ADAM20: variants seen among roughly 807,000 people sequenced by gnomAD.
ADAM20 encodes ADAM metallopeptidase domain 20, also known as disintegrin and metalloproteinase domain-containing protein 20.
For missense variants in ADAM20, 871 were observed against 883.2 expected (o/e 0.99, Z 0.18); for synonymous variants, 305 against 310.2 (o/e 0.98, Z 0.18).
the ADAM20 span, among the ~76,000 whole-genome samples, chr14:70,546,333 T>C: frequency 6.6e-6 from 1 of 152,168 alleles, no homozygotes; most frequent in Admixed American, 6.5e-5. Context: ...TGTCATGAAG[T>C]CCTGATGACA....
chr14:70,573,176 A>G, the ADAM20 span, among the ~76,000 whole-genome samples: 1 of 152,356 alleles, frequency 6.6e-6, no homozygotes, highest in Non-Finnish European at 1.5e-5. Context: ...AAATCATGCA[A>G]TCAGCCTAAG....
the ADAM20 span, among the ~76,000 whole-genome samples, chr14:70,571,296 G>T: frequency 6.6e-6 from 1 of 152,150 alleles, no homozygotes; most frequent in Non-Finnish European, 1.5e-5. Context: ...GACCCGGTAG[G>T]AGGTAATTGA....
chr14:70,576,557 T>C, the ADAM20 span, among the ~76,000 whole-genome samples: 2 of 152,300 alleles, frequency 1.3e-5, no homozygotes, highest in African/African-American at 2.4e-5. Flanking sequence ...AACTCATTCA[T>C]TCATTCATGT....
In ADAM20 at chr14:70,528,043, T is replaced by G. The variant is rs545035813; in HGVS notation, c.-176-3110A>C. ...GCATCATATCCTGTGTTTGAAATAT[T>G]TATGTATATGGTCTGCTTTTTTATG... is the stretch of plus-strand genomic sequence containing the variant. On this transcript the variant is annotated intron_variant, in intron 1 of 1. Coordinates refer to ENST00000256389, the MANE Select transcript of ADAM20 (RefSeq NM_003814.5). 4.4e-4 allele frequency among the ~76,000 whole-genome samples: 67 copies of G among 152,346 alleles called. No individual in the cohort carries two copies. In the South Asian group the frequency reaches 0.013, roughly 31 times the overall value.
the ADAM20 span, among the ~76,000 whole-genome samples, chr14:70,560,081 AT>A: frequency 1.3e-5 from 2 of 152,342 alleles, no homozygotes; most frequent in Non-Finnish European, 2.9e-5. Flanking sequence ...CTCAATACTC[AT>A]CCAATATAAA....
At chr14:70,568,268 A>G in the ADAM20 span, among the ~76,000 whole-genome samples, 4 of 152,156 alleles carry the variant, frequency 2.6e-5, no homozygotes, top group African/African-American at 9.7e-5. Context: ...TCCACAACCA[A>G]CGTACCCATA....
chr14:70,577,458 C>T, the ADAM20 span, among the ~76,000 whole-genome samples: 4 of 152,294 alleles, frequency 2.6e-5, no homozygotes, highest in South Asian at 8.3e-4. Flanking sequence ...TAGATTTCCA[C>T]TGTCTGCCAC....
chr14:70,536,406 C>A (rs977330410), upstream of ADAM20, among the ~76,000 whole-genome samples: 2 of 124,266 alleles, frequency 1.6e-5, no homozygotes, highest in Non-Finnish European at 3.2e-5. Flanking sequence ...GCAGAGGTTG[C>A]GGTGAGCCTA....
intron 1 of ADAM20, among the ~76,000 whole-genome samples, chr14:70,528,384 G>A (rs1369321057): frequency 6.6e-6 from 1 of 152,114 alleles, no homozygotes; most frequent in Non-Finnish European, 1.5e-5. Context: ...AATAGATAAG[G>A]ATCACTTAGG....
At chr14:70,575,722 C>A in the ADAM20 span, among the ~76,000 whole-genome samples, 12 of 152,168 alleles carry the variant, frequency 7.9e-5, no homozygotes, top group African/African-American at 2.9e-4. Context: ...AAAGTGAGAT[C>A]TGAGATATAC....
the ADAM20 span, among the ~76,000 whole-genome samples, chr14:70,543,924 C>A: frequency 6.6e-6 from 1 of 152,312 alleles, no homozygotes; most frequent in South Asian, 2.1e-4. Context: ...TGATCAAAAA[C>A]TGCCTAAATC....
the ADAM20 span, among the ~76,000 whole-genome samples, chr14:70,544,532 G>C: frequency 1.3e-5 from 2 of 151,904 alleles, no homozygotes; most frequent in Non-Finnish European, 2.9e-5. Context: ...GAGAAAGACC[G>C]AAAATATTTT....
the ADAM20 span, chr14:70,557,603 G>T: frequency 6.6e-6 from 1 of 152,222 alleles, no homozygotes; most frequent in African/African-American, 2.4e-5. Flanking sequence ...CTTATTCAAA[G>T]AAAACATTTT....
intron 1 of ADAM20, among the ~76,000 whole-genome samples, chr14:70,529,062 G>A (rs1260843503): frequency 6.6e-6 from 1 of 152,126 alleles, no homozygotes; most frequent in African/African-American, 2.4e-5. Flanking sequence ...ATTTAAGGGA[G>A]AAATAGATAG....
chr14:70,577,346 C>T, the ADAM20 span, among the ~76,000 whole-genome samples: 2 of 152,048 alleles, frequency 1.3e-5, no homozygotes, highest in South Asian at 4.1e-4. Context: ...CAGTGTAATC[C>T]ATCATCTTAT....
At chr14:70,540,699 T>C in the ADAM20 span, among the ~76,000 whole-genome samples, 1 of 152,252 alleles carries the variant, frequency 6.6e-6, no homozygotes, top group Non-Finnish European at 1.5e-5. Flanking sequence ...CTTCTAATCT[T>C]GTGGCCTTAG....
chr14:70,558,750 A>G, the ADAM20 span, among the ~76,000 whole-genome samples: 1 of 152,192 alleles, frequency 6.6e-6, no homozygotes, highest in Non-Finnish European at 1.5e-5. Context: ...CAAAGGGAAA[A>G]ACATTTGCCA....
chr14:70,528,822 G>C (rs982746048), intron 1 of ADAM20, among the ~76,000 whole-genome samples: 17 of 152,142 alleles, frequency 1.1e-4, no homozygotes, highest in African/African-American at 4.1e-4. Flanking sequence ...CAATCACCTG[G>C]AACATCTGTG....
chr14:70,578,783 T>A, the ADAM20 span, among the ~76,000 whole-genome samples: 30 of 152,222 alleles, frequency 2.0e-4, no homozygotes, highest in African/African-American at 5.8e-4. Context: ...CTTCTAATGA[T>A]GCTGTTGCCG....
Sources: gnomAD v4.1 joint callset for allele counts (sites outside exome capture counted in the v4.1 genomes callset) on GRCh38, gnomAD v4.1.1 for gene constraint, MANE v1.5 for transcripts, NCBI Gene and HGNC (gene_info 2026-07-23, HGNC 2026-07-21) for gene names.